The following NDUFAF6 variants were observed in gnomAD, a reference collection of about 807,000 sequenced individuals.
The protein encoded by NDUFAF6 is NADH dehydrogenase (ubiquinone) complex I, assembly factor 6.
A neutral mutation model predicts 40.8 loss-of-function variants in NDUFAF6; 45 were observed. The ratio of observed to expected loss-of-function variants is 1.10; its 90% CI spans 0.87 to 1.42. The LOEUF (loss-of-function observed/expected upper bound fraction) is 1.42. NDUFAF6 is among the 40% of genes most tolerant of loss of function. The probability of loss-of-function intolerance (pLI) is 0.00; values close to 1 mark genes in which losing one functional copy is unlikely to be tolerated. For synonymous variants in NDUFAF6, 185 were observed against 155.9 expected, an observed-to-expected ratio of 1.19 and a Z score of -1.39; for missense variants, 435 against 418.5, an observed-to-expected ratio of 1.04 and a Z score of -0.34.
intron 1 of NDUFAF6, among the ~76,000 whole-genome samples, chr8:95,027,013 TC>T (rs1828233583): frequency 6.6e-6 from 1 of 152,172 alleles, no homozygotes; most frequent in Non-Finnish European, 1.5e-5. Flanking sequence ...TCCATTGCAC[TC>T]CAGCTGGGGC....
chr8:95,041,761 T>C, intron 4 of NDUFAF6, 135 bp downstream of exon 4: 1 of 773,526 alleles, frequency 1.3e-6, no homozygotes, highest in South Asian at 1.5e-5. Flanking sequence ...TGCCATTTTA[T>C]TCATACTTTA....
At chr8:94,970,406 A>G (rs1157343941) in intron 1 of NDUFAF6, among the ~76,000 whole-genome samples, 1 of 152,176 alleles carries the variant, frequency 6.6e-6, no homozygotes, top group African/African-American at 2.4e-5. Flanking sequence ...TGAAAAAGCT[A>G]GTCACAATTC....
intron 1 of NDUFAF6, chr8:94,930,192 T>C: frequency 3.1e-6 from 1 of 323,638 alleles, no homozygotes; most frequent in Non-Finnish European, 5.7e-6. Flanking sequence ...TGCTGACTAA[T>C]GTATAACCTA....
At chr8:95,023,948 G>T (rs2131706368), upstream of NDUFAF6, among the ~76,000 whole-genome samples, 1 of 149,764 alleles carries the variant, frequency 6.7e-6, no homozygotes, top group Non-Finnish European at 1.5e-5. Context: ...CCAAGATCAA[G>T]CCACAGCACT....
At chr8:94,961,478 G>C (rs965504294) in intron 1 of NDUFAF6, among the ~76,000 whole-genome samples, 7 of 152,184 alleles carry the variant, frequency 4.6e-5, no homozygotes, top group Admixed American at 4.6e-4. Context: ...CTGGAGTGCA[G>C]TGCCACCATC....
chr8:94,986,904 A>T (rs887713599), intron 2 of NDUFAF6, among the ~76,000 whole-genome samples: 1 of 152,148 alleles, frequency 6.6e-6, no homozygotes, highest in Non-Finnish European at 1.5e-5. Flanking sequence ...GCTCTACAGG[A>T]GCTCTTGTTT....
chr8:95,036,343 G>GAAA (rs1486619142), intron 3 of NDUFAF6: 1 of 1,288,940 alleles, frequency 7.8e-7, no homozygotes, highest in South Asian at 1.2e-5. Flanking sequence ...GCCACCCACA[G>GAAA]ACCTGACAGT....
intron 1 of NDUFAF6, among the ~76,000 whole-genome samples, chr8:94,960,974 C>G (rs1021360256): frequency 6.6e-6 from 1 of 152,198 alleles, no homozygotes; most frequent in Non-Finnish European, 1.5e-5. Context: ...AAGAAAACAT[C>G]TTGTGAGAGA....
intron 2 of NDUFAF6, among the ~76,000 whole-genome samples, chr8:95,015,081 C>T (rs1827383882): frequency 6.6e-6 from 1 of 152,160 alleles, no homozygotes; most frequent in Non-Finnish European, 1.5e-5. Context: ...AGAGAGCGGA[C>T]CCACAGGTTG....
chr8:95,031,521 T>C (rs577474287), intron 1 of NDUFAF6, among the ~76,000 whole-genome samples: 1 of 152,340 alleles, frequency 6.6e-6, no homozygotes, highest in Admixed American at 6.5e-5. Context: ...TAGGTGGCAT[T>C]GGGGTACATT....
intron 9 of NDUFAF6, chr8:95,066,990 C>G (rs887890969): frequency 6.6e-6 from 1 of 152,212 alleles, no homozygotes; most frequent in African/African-American, 2.4e-5. Context: ...CAACTAATAA[C>G]TTAGCTCCTT....
At chr8:94,955,519 C>A (rs1328639090), upstream of NDUFAF6, among the ~76,000 whole-genome samples, 1 of 152,210 alleles carries the variant, frequency 6.6e-6, no homozygotes, top group Non-Finnish European at 1.5e-5. Flanking sequence ...AACACATGAA[C>A]TTTGGGGAAC....
intron 1 of NDUFAF6, chr8:94,930,274 C>A (rs1820261151): frequency 1.6e-6 from 1 of 617,150 alleles, no homozygotes; most frequent in African/African-American, 1.9e-5. Flanking sequence ...AAAAAGTGTA[C>A]AAAAAAAGTA....
intron 4 of NDUFAF6, among the ~76,000 whole-genome samples, chr8:95,112,512 G>A (rs778771858): frequency 6.6e-6 from 1 of 152,192 alleles, no homozygotes; most frequent in African/African-American, 2.4e-5. Flanking sequence ...GAGAGAGCTT[G>A]AACGTTCTGG....
intron 2 of NDUFAF6, among the ~76,000 whole-genome samples, chr8:94,991,384 G>T (rs1016284981): frequency 6.6e-6 from 1 of 152,204 alleles, no homozygotes. Flanking sequence ...GCTGCAGCGT[G>T]AACTCTGGAG....
intron 1 of NDUFAF6, among the ~76,000 whole-genome samples, chr8:94,909,838 A>T (rs927015771): frequency 1.3e-5 from 2 of 151,454 alleles, no homozygotes; most frequent in South Asian, 4.2e-4. Flanking sequence ...ACATATATAT[A>T]TATAAAAGAA....
intron 2 of NDUFAF6, among the ~76,000 whole-genome samples, chr8:95,011,418 A>T (rs1356348157): frequency 6.6e-6 from 1 of 152,234 alleles, no homozygotes; most frequent in Admixed American, 6.5e-5. Flanking sequence ...GGATATGAAC[A>T]TGTCACTCCC....
At chr8:95,041,050 CTTTA>C (rs1830089711) in intron 3 of NDUFAF6, 1 of 152,248 alleles carries the variant, frequency 6.6e-6, no homozygotes, top group Non-Finnish European at 1.5e-5. Flanking sequence ...TAAATAGAAT[CTTTA>C]TCCTGTGGAA....
chr8:94,998,765 T>TGAGCA (rs1826578782), intron 2 of NDUFAF6, among the ~76,000 whole-genome samples: 1 of 152,148 alleles, frequency 6.6e-6, no homozygotes, highest in Admixed American at 6.5e-5. Context: ...AGATGCTGCT[T>TGAGCA]GAGCAGCATC....
Sources: allele counts gnomAD v4.1 joint callset (sites outside exome capture counted in the v4.1 genomes callset), GRCh38; gene constraint gnomAD v4.1.1; transcripts MANE v1.5; gene names NCBI Gene and HGNC (gene_info 2026-07-23, HGNC 2026-07-21).